Variants in SPOCK3 observed in about 807,000 individuals in gnomAD.
SPOCK3 encodes the protein testican-3.
In SPOCK3, 30 loss-of-function variants were observed where a neutral mutation model predicts 56.6. The ratio of observed to expected loss-of-function variants is 0.53; its 90% CI spans 0.40 to 0.72. SPOCK3 has a LOEUF of 0.72. Among genes scored for constraint, SPOCK3 ranks in the 30% least tolerant of loss-of-function variants. SPOCK3 has a pLI of 0.00. For missense variants in SPOCK3, 527 were observed against 530.0 expected, an observed-to-expected ratio of 0.99 and a Z score of 0.06; for synonymous variants, 196 against 183.3, an observed-to-expected ratio of 1.07 and a Z score of -0.56.
rs550081867 is a variant in SPOCK3 at position 167,087,454 on chromosome 4, C to T, written c.190-24917G>A. ...TATATTGACGTTACAGTAAGAACCA[C>T]TGATAGAAAATTTACTTTTTCTTAT... On this transcript the variant is annotated intron_variant, in intron 2 of 10. Coordinates refer to ENST00000357545, the MANE Select transcript of SPOCK3 (RefSeq NM_001040159.2). 4.6e-5 allele frequency among the ~76,000 whole-genome samples: 7 copies of T among 152,308 alleles called. No individual in the cohort carries two copies. In the South Asian group the frequency reaches 1.4e-3, roughly 32 times the overall value.
intron 2 of SPOCK3, among the ~76,000 whole-genome samples, chr4:167,171,320 A>C (rs1284876265): frequency 6.6e-6 from 1 of 152,184 alleles, no homozygotes; most frequent in African/African-American, 2.4e-5. Flanking sequence ...TAAAAGGTAT[A>C]AGGTATTCAG....
At chr4:167,108,995 T>TATAAAA (rs3082380) in intron 2 of SPOCK3, among the ~76,000 whole-genome samples, 159 of 13,436 alleles carry the variant, frequency 0.012, 30 homozygotes, top group African/African-American at 0.027. Flanking sequence ...TATATATTTA[T>TATAAAA]ATATATATAA....
At chr4:167,168,601 A>G (rs1730211214) in intron 2 of SPOCK3, among the ~76,000 whole-genome samples, 1 of 152,054 alleles carries the variant, frequency 6.6e-6, no homozygotes, top group Admixed American at 6.6e-5. Context: ...ATGATCTGAA[A>G]TTGGAACTTA....
At chr4:167,080,134 T>G (rs1377244128) in intron 2 of SPOCK3, among the ~76,000 whole-genome samples, 2 of 152,008 alleles carry the variant, frequency 1.3e-5, no homozygotes, top group African/African-American at 4.8e-5. Flanking sequence ...TTGAGTACTT[T>G]TCATGGATTT....
chr4:167,066,977 T>A (rs1580186051), intron 2 of SPOCK3, among the ~76,000 whole-genome samples: 1 of 151,948 alleles, frequency 6.6e-6, no homozygotes, highest in African/African-American at 2.4e-5. Context: ...CACAGCTACA[T>A]CTGTACTGAT....
At chr4:167,072,273 G>A (rs1405770354) in intron 2 of SPOCK3, among the ~76,000 whole-genome samples, 1 of 152,074 alleles carries the variant, frequency 6.6e-6, no homozygotes, top group Non-Finnish European at 1.5e-5. Flanking sequence ...CAGCAGCCAT[G>A]ATGGCCTATG....
At chr4:167,116,684 TACAC>T (rs200408094) in intron 2 of SPOCK3, among the ~76,000 whole-genome samples, 1 of 125,804 alleles carries the variant, frequency 7.9e-6, no homozygotes, top group African/African-American at 2.9e-5. Context: ...TATGTATATA[TACAC>T]ACATATAGTA....
intron 6 of SPOCK3, among the ~76,000 whole-genome samples, chr4:166,822,599 C>G (rs1370967853): frequency 6.6e-6 from 1 of 151,990 alleles, no homozygotes; most frequent in African/African-American, 2.4e-5. Context: ...GATCGAATAA[C>G]AGTCATTTTC....
intron 3 of SPOCK3, among the ~76,000 whole-genome samples, chr4:167,059,447 A>G (rs1180068533): frequency 1.3e-5 from 2 of 151,828 alleles, no homozygotes; most frequent in Admixed American, 1.3e-4. Flanking sequence ...CAAAACCACA[A>G]TGAGATACCA....
intron 4 of SPOCK3, among the ~76,000 whole-genome samples, chr4:166,945,432 T>C (rs1741609896): frequency 1.3e-5 from 2 of 152,182 alleles, no homozygotes; most frequent in Non-Finnish European, 2.9e-5. Flanking sequence ...GTAACTCTGT[T>C]CTAAAACAAG....
intron 4 of SPOCK3, among the ~76,000 whole-genome samples, chr4:166,990,231 C>G (rs1028646096): frequency 1.3e-5 from 2 of 152,108 alleles, no homozygotes; most frequent in Non-Finnish European, 2.9e-5. Flanking sequence ...TTACAAATTA[C>G]ATATTCAAAA....
chr4:166,842,206 C>T (rs982897261), intron 6 of SPOCK3, among the ~76,000 whole-genome samples: 1 of 152,176 alleles, frequency 6.6e-6, no homozygotes, highest in Non-Finnish European at 1.5e-5. Context: ...AACAAAAGAA[C>T]AAAGCTTCCA....
intron 2 of SPOCK3, among the ~76,000 whole-genome samples, chr4:167,065,839 T>C (rs572060572): frequency 1.9e-3 from 287 of 151,906 alleles, no homozygotes; most frequent in Non-Finnish European, 3.3e-3. Context: ...CTTCAATTTA[T>C]ATCCAAAATA....
chr4:166,948,267 C>T (rs1173602269), intron 4 of SPOCK3, among the ~76,000 whole-genome samples: 1 of 152,178 alleles, frequency 6.6e-6, no homozygotes, highest in Non-Finnish European at 1.5e-5. Flanking sequence ...TGTTGATGAA[C>T]ACCTAGATTG....
chr4:166,747,997 A>C (rs1735873634), intron 8 of SPOCK3, among the ~76,000 whole-genome samples: 1 of 152,164 alleles, frequency 6.6e-6, no homozygotes, highest in South Asian at 2.1e-4. Context: ...GATACAAACA[A>C]CTGGAAGTAC....
intron 2 of SPOCK3, among the ~76,000 whole-genome samples, chr4:167,200,999 AGCTTCT>A (rs1188441184): frequency 6.6e-5 from 10 of 152,054 alleles, no homozygotes; most frequent in Admixed American, 3.9e-4. Flanking sequence ...AGGTTATTAA[AGCTTCT>A]CATCACACTT....
At chr4:166,923,733 A>G (rs1738758632) in intron 4 of SPOCK3, among the ~76,000 whole-genome samples, 1 of 152,214 alleles carries the variant, frequency 6.6e-6, no homozygotes, top group African/African-American at 2.4e-5. Context: ...GACCAACTGT[A>G]GGTTCCCAAA....
At chr4:166,887,019 A>G (rs561791006) in intron 6 of SPOCK3, among the ~76,000 whole-genome samples, 3 of 152,142 alleles carry the variant, frequency 2.0e-5, no homozygotes, top group Non-Finnish European at 2.9e-5. Context: ...TCTACGCACA[A>G]TTGAACACAA....
intron 5 of SPOCK3, among the ~76,000 whole-genome samples, chr4:166,896,316 C>T (rs1320298931): frequency 6.6e-6 from 1 of 152,044 alleles, no homozygotes; most frequent in Non-Finnish European, 1.5e-5. Flanking sequence ...TGTGTTTGTG[C>T]CCTGCCCCCA....
Sources: gnomAD v4.1 joint callset for allele counts (sites outside exome capture counted in the v4.1 genomes callset) on GRCh38, gnomAD v4.1.1 for gene constraint, MANE v1.5 for transcripts, NCBI Gene and HGNC (gene_info 2026-07-23, HGNC 2026-07-21) for gene names.